Variants in SYNPR observed in about 807,000 individuals in gnomAD.
SYNPR encodes the protein synaptoporin.
SYNPR carries 23 observed loss-of-function variants against 32.9 expected under a neutral mutation model. That is an observed-to-expected ratio of 0.70 (90% CI 0.50 to 0.99). SYNPR has a LOEUF of 0.99. Among genes scored for constraint, SYNPR ranks in the 50% least tolerant of loss-of-function variants. SYNPR has a pLI of 0.00. For synonymous variants in SYNPR, 146 were observed against 135.9 expected (o/e 1.07, Z -0.52); for missense variants, 318 against 349.3 (o/e 0.91, Z 0.71).
At chr3:63,290,605 TA>T (rs1306585678) in intron 2 of SYNPR, among the ~76,000 whole-genome samples, 15 of 152,158 alleles carry the variant, frequency 9.9e-5, no homozygotes, top group Admixed American at 9.8e-4. Context: ...ATCCGTTGTA[TA>T]AAAAATTCAA....
intron 3 of SYNPR, among the ~76,000 whole-genome samples, chr3:63,489,825 A>G (rs1429175009): frequency 6.6e-6 from 1 of 152,222 alleles, no homozygotes; most frequent in Non-Finnish European, 1.5e-5. Context: ...AGAGGATCAA[A>G]TAATACATAC....
At chr3:63,494,524 T>C (rs11713650) in intron 3 of SYNPR, among the ~76,000 whole-genome samples, 2 of 60,456 alleles carry the variant, frequency 3.3e-5, no homozygotes, top group African/African-American at 8.7e-5. Context: ...CATATATACA[T>C]ATATATATAT....
chr3:63,235,321 T>G (rs2086193189), intron 1 of SYNPR, among the ~76,000 whole-genome samples: 1 of 152,196 alleles, frequency 6.6e-6, no homozygotes, highest in African/African-American at 2.4e-5. Context: ...ATCCTGAAGT[T>G]CATACGGAAC....
intron 1 of SYNPR, among the ~76,000 whole-genome samples, chr3:63,236,179 TG>T (rs1344705356): frequency 2.0e-5 from 3 of 152,060 alleles, no homozygotes; most frequent in Admixed American, 2.0e-4. Flanking sequence ...AAAAATTTGT[TG>T]GGTCTTTTGT....
At chr3:63,327,453 A>T (rs1373309586) in intron 2 of SYNPR, among the ~76,000 whole-genome samples, 2 of 152,140 alleles carry the variant, frequency 1.3e-5, no homozygotes, top group Non-Finnish European at 2.9e-5. Context: ...TGTATTATAA[A>T]TGTATTATGT....
At chr3:63,566,907 T>G (rs1194363075) in intron 4 of SYNPR, among the ~76,000 whole-genome samples, 1 of 152,192 alleles carries the variant, frequency 6.6e-6, no homozygotes, top group Non-Finnish European at 1.5e-5. Flanking sequence ...ATATCCATAC[T>G]CTGCTTTCTC....
At chr3:63,582,115 G>C (rs10712623) in intron 4 of SYNPR, among the ~76,000 whole-genome samples, 82,775 of 151,450 alleles carry the variant, frequency 0.55, 23,275 homozygotes, top group African/African-American at 0.69. Context: ...TGCGGCTTTG[G>C]TTTGTGCTCT....
At chr3:63,525,954 T>G (rs1326640545) in intron 3 of SYNPR, among the ~76,000 whole-genome samples, 1 of 152,188 alleles carries the variant, frequency 6.6e-6, no homozygotes, top group African/African-American at 2.4e-5. Flanking sequence ...ACCATCTGCT[T>G]CTGGTGAGAG....
intron 2 of SYNPR, among the ~76,000 whole-genome samples, chr3:63,300,183 G>A (rs1002940893): frequency 1.3e-5 from 2 of 152,018 alleles, no homozygotes; most frequent in African/African-American, 4.8e-5. Flanking sequence ...AGGGAAGGAG[G>A]GAAGGAAGGA....
chr3:63,439,073 G>C (rs898597049), intron 2 of SYNPR, among the ~76,000 whole-genome samples: 1 of 152,162 alleles, frequency 6.6e-6, no homozygotes, highest in Non-Finnish European at 1.5e-5. Context: ...TAAGGCAAAG[G>C]AACTGTTGCA....
chr3:63,337,480 G>T (rs370260383), intron 2 of SYNPR, among the ~76,000 whole-genome samples: 2 of 152,066 alleles, frequency 1.3e-5, no homozygotes, highest in African/African-American at 4.8e-5. Flanking sequence ...GTGCAACCTT[G>T]TCTACCATAT....
chr3:63,338,819 A>C (rs2087327151), intron 2 of SYNPR, among the ~76,000 whole-genome samples: 1 of 152,250 alleles, frequency 6.6e-6, no homozygotes, highest in African/African-American at 2.4e-5. Flanking sequence ...GGACATGTTC[A>C]GAATCCAGCA....
chr3:63,564,206 T>A (rs1702745388), intron 4 of SYNPR, among the ~76,000 whole-genome samples: 2 of 150,522 alleles, frequency 1.3e-5, no homozygotes, highest in African/African-American at 2.4e-5. Flanking sequence ...TTTTTTTTTT[T>A]TTTTGAGACA....
intron 1 of SYNPR, among the ~76,000 whole-genome samples, chr3:63,235,735 G>A (rs536839142): frequency 6.6e-6 from 1 of 152,174 alleles, no homozygotes; most frequent in Admixed American, 6.5e-5. Flanking sequence ...ATTTTATTTT[G>A]AGAGGTCTTT....
chr3:63,263,312 C>CACA (rs2086454748), intron 2 of SYNPR, among the ~76,000 whole-genome samples: 1 of 152,204 alleles, frequency 6.6e-6, no homozygotes, highest in Non-Finnish European at 1.5e-5. Context: ...CTCAAAGATT[C>CACA]TTTAGCCTTC....
chr3:63,449,170 G>T (rs1700335153), intron 2 of SYNPR, among the ~76,000 whole-genome samples: 1 of 152,134 alleles, frequency 6.6e-6, no homozygotes, highest in Non-Finnish European at 1.5e-5. Flanking sequence ...AACAGAGAAG[G>T]TGCCTAAAGA....
chr3:63,220,409 G>A, the SYNPR span, among the ~76,000 whole-genome samples: 1 of 152,178 alleles, frequency 6.6e-6, no homozygotes, highest in East Asian at 1.9e-4. Flanking sequence ...TCCTGGGGCT[G>A]TCCTTGAAGT....
At chr3:63,457,917 AT>A (rs1260869515) in intron 2 of SYNPR, among the ~76,000 whole-genome samples, 3 of 151,968 alleles carry the variant, frequency 2.0e-5, no homozygotes, top group Non-Finnish European at 4.4e-5. Context: ...TTTGATACTG[AT>A]TTACTCTTTT....
intron 2 of SYNPR, among the ~76,000 whole-genome samples, chr3:63,304,480 G>C (rs1480418314): frequency 1.3e-5 from 2 of 151,796 alleles, no homozygotes; most frequent in East Asian, 3.9e-4. Context: ...CAAAGAAATG[G>C]CATAACCTAC....
Sources: allele counts gnomAD v4.1 joint callset (sites outside exome capture counted in the v4.1 genomes callset), GRCh38; gene constraint gnomAD v4.1.1; transcripts MANE v1.5; gene names NCBI Gene and HGNC (gene_info 2026-07-23, HGNC 2026-07-21).